Variants in IRX5 observed in about 807,000 individuals in gnomAD.
IRX5 encodes iroquois homeobox 5.
A neutral mutation model predicts 37.6 loss-of-function variants in IRX5; 8 were observed. The ratio of observed to expected loss-of-function variants is 0.21; its 90% confidence interval spans 0.12 to 0.38. IRX5 has a LOEUF of 0.38. IRX5 is among the 10% of genes least tolerant of loss of function. The pLI, the probability that IRX5 is intolerant of heterozygous loss-of-function variation, is 1.00. For missense variants in IRX5, 635 were observed against 695.2 expected (o/e 0.91, Z 0.97); for synonymous variants, 359 against 328.6 (o/e 1.09, Z -1.00).
rs745416388 is a variant in IRX5 at position 54,931,297 on chromosome 16, G to A, written c.99G>A (p.Thr33=). Residue 33 remains threonine, a synonymous_variant, in exon 1 of 3, where the codon ACG becomes ACA. Transcript: ENST00000394636. ...CCAGCGTCATTTCGGGGCCCCGCAC[G>A]GATGAGCTCGGCCGCTCTTCTTCGG... ...YSTSVISGPR[T]DELGRSSSGS... is the part of the protein sequence containing the mutation. 3.1e-6 allele frequency: 5 copies of A among 1,612,452 alleles called. No individual in the cohort carries two copies. The South Asian group carries it at 3.3e-5, about 11-fold the overall frequency.
Position 54,932,604 on chromosome 16 carries a change from A to T in IRX5, c.356A>T (p.Asn119Ile). 1 of 1,614,054 alleles carries T rather than the reference A, an allele frequency of 6.2e-7. No individual in the cohort carries two copies. Among genetic ancestry groups the T allele is most frequent in the South Asian group, 1.1e-5 (1 of 91,070 alleles). Residue 119 changes from asparagine (N) to isoleucine (I), a missense_variant, in exon 2 of 3, where the codon AAC becomes ATC. Asn to Ile is a moderately radical substitution (Grantham distance 149). Coordinates refer to ENST00000394636, the MANE Select transcript of IRX5 (RefSeq NM_005853.6). This position sits in a 1 kb window ranked among gnomAD's most constrained non-coding sequence, Gnocchi z 6.7. ...TACGGGGACCCAGCGTACCGGAAGA[A>T]CGCCACAAGGGACGCCACGGCTACC... Reference protein sequence around the residue: ...YPYGDPAYRKNATRDATATLK... With the variant: ...YPYGDPAYRKIATRDATATLK...
In IRX5 at chr16:54,934,068, C is replaced by A; in HGVS notation, c.*195C>A. 1 of 449,542 alleles carries A rather than the reference C, an allele frequency of 2.2e-6. No individual in the cohort carries two copies. The highest frequency in any genetic ancestry group is 3.7e-6 in the Non-Finnish European group (1 of 267,996). The allele number at this position is 449,542 out of a possible 1,614,324, so 27.8% of individuals were successfully genotyped here. On this transcript the variant is annotated 3_prime_UTR_variant, in exon 3 of 3. Transcript: ENST00000394636. ...CAAAAAAAAAAATGTCTTAACCAAC[C>A]GAAAAGAAAAATTAAAAAAGGATTT...
In IRX5 at chr16:54,932,139, G is replaced by C. The variant is rs574643932; in HGVS notation, c.250-359G>C. Reference sequence around the variant, plus strand: ...TGCGTCCGCTCCCCCGCCGAGCGCGGAGTCGCCTCAGTTGCCCAGGCCTCT... The same window carrying C: ...TGCGTCCGCTCCCCCGCCGAGCGCGCAGTCGCCTCAGTTGCCCAGGCCTCT... On this transcript the variant is annotated intron_variant, in intron 1 of 2. Transcript: ENST00000394636. The surrounding 1 kb of genome is among the most constrained non-coding windows in gnomAD (Gnocchi z 6.7). The C allele has an allele frequency of 1.4e-6, 1 of 702,820 alleles. No homozygotes were observed. The highest frequency in any genetic ancestry group is 2.6e-6 in the Non-Finnish European group (1 of 384,984). 43.5% of individuals were successfully genotyped at this position (702,820 alleles called of 1,614,324 possible). A position where few individuals can be genotyped will look rare whatever the true frequency, so the allele number is the denominator to read the frequency against.
Position 54,932,619 on chromosome 16 carries a change from C to A in IRX5, c.371C>A (p.Ala124Asp). The A allele has an allele frequency of 6.2e-7, 1 of 1,614,092 alleles. No homozygotes were observed. Among genetic ancestry groups the A allele is most frequent in the Non-Finnish European group, 8.5e-7 (1 of 1,180,008 alleles). The change falls in exon 2 of 3, where the codon GCC becomes GAC. Residue 124 changes from alanine to aspartate, a missense_variant. Ala to Asp is a moderately radical substitution (Grantham distance 126). Transcript: ENST00000394636. This position sits in a 1 kb window ranked among gnomAD's most constrained non-coding sequence, Gnocchi z 6.7. ...TACCGGAAGAACGCCACAAGGGACG[C>A]CACGGCTACCCTCAAGGCCTGGCTC... ...PAYRKNATRD[A>D]TATLKAWLNE...
chr16:54,932,993 G>T lies in IRX5; in HGVS notation c.656-84G>T. On this transcript the variant is annotated intron_variant, in intron 2 of 2. Transcript: ENST00000394636. This position sits in a 1 kb window ranked among gnomAD's most constrained non-coding sequence, Gnocchi z 6.7. ...GCGCGCACGGGGCCTGGAGGTTGGG[G>T]GCAGGGGTCCCTGCCTTTGCGGGCG... 1 of 1,598,256 alleles carries T rather than the reference G, an allele frequency of 6.3e-7. No individual in the cohort carries two copies. The highest frequency in any genetic ancestry group is 1.1e-5 in the South Asian group (1 of 89,242).
Position 54,933,638 on chromosome 16 carries a change from C to A in IRX5, c.1217C>A (p.Ala406Glu). ...CTGTCCCGGCCTCTCTACTACACCG[C>A]GCCCTTCTATCCCGGCTACACGAAC... ...TVLSRPLYYT[A>E]PFYPGYTNYG... Residue 406 changes from alanine (A) to glutamate (E), a missense_variant, in exon 3 of 3, where the codon GCG (alanine) becomes GAG (glutamate). This residue lies in a region of IRX5 where 188 missense variants were observed against 200.8 expected (regional missense o/e 0.94). Transcript: ENST00000394636. The A allele has an allele frequency of 6.2e-7, 1 of 1,610,018 alleles. No individual in the cohort carries two copies. The highest frequency in any genetic ancestry group is 8.5e-7 in the Non-Finnish European group (1 of 1,177,024).
rs1191441588 is a variant in IRX5 at position 54,933,360 on chromosome 16, G to T, written c.939G>T (p.Gly313=). Reference sequence around the variant, plus strand: ...GCGAGGTGCCTCCGGGTCCCGGCGGGCCCTCGGTTATCCATTCGCCGCCTC... The same window carrying T: ...GCGAGGTGCCTCCGGGTCCCGGCGGTCCCTCGGTTATCCATTCGCCGCCTC... ...AAGEVPPGPG[G]PSVIHSPPPP... is the part of the protein sequence containing the mutation. Residue 313 remains glycine, a synonymous_variant, in exon 3 of 3, where the codon GGG becomes GGT. Coordinates refer to ENST00000394636, the MANE Select transcript of IRX5 (RefSeq NM_005853.6). 6.6e-7 allele frequency: 1 copy of T among 1,511,964 alleles called. No individual in the cohort carries two copies. The highest frequency in any genetic ancestry group is 1.4e-5 in the African/African-American group (1 of 70,322). 93.7% of individuals were successfully genotyped at this position (1,511,964 alleles called of 1,614,324 possible).
In IRX5 at chr16:54,933,757, G is replaced by C. The variant is rs749272761; in HGVS notation, c.1336G>C (p.Val446Leu). The C allele has an allele frequency of 6.2e-7, 1 of 1,614,144 alleles. No individual in the cohort carries two copies. Among genetic ancestry groups the C allele is most frequent in the South Asian group, 1.1e-5 (1 of 91,078 alleles). ...TCATTTCAATGGATTAAACCAGACC[G>C]TGTTGAACCGAGCGGACGCTTTGGC... is the stretch of plus-strand genomic sequence containing the variant. The part of the protein sequence containing the change: ...GSHFNGLNQT[V>L]LNRADALAKD... The change falls in exon 3 of 3, where the codon GTG becomes CTG. Residue 446 changes from valine (V) to leucine (L), a missense_variant. Physicochemically the swap from Val to Leu is conservative, Grantham distance 32. Around this residue, in one of 5 missense-constraint regions of IRX5, gnomAD observed 188 missense variants for 200.8 expected, o/e 0.94. Coordinates refer to ENST00000394636, the MANE Select transcript of IRX5 (RefSeq NM_005853.6).
chr16:54,932,367 C>A lies in IRX5; in HGVS notation c.250-131C>A. On this transcript the variant is annotated intron_variant, in intron 1 of 2. Transcript: ENST00000394636. The surrounding 1 kb of genome is among the most constrained non-coding windows in gnomAD (Gnocchi z 6.7). The stretch of plus-strand genomic sequence containing the variant: ...TAGGTCTGAACCCCGCCAGCCTTGC[C>A]CCGTAGGAAGCTGGAGTGCGGGCCT... The A allele has an allele frequency of 9.4e-7, 1 of 1,062,366 alleles. No homozygotes were observed. The highest frequency in any genetic ancestry group is 1.3e-6 in the Non-Finnish European group (1 of 750,974). The allele number at this position is 1,062,366 out of a possible 1,614,324, so 65.8% of individuals were successfully genotyped here. A position where few individuals can be genotyped will look rare whatever the true frequency, so the allele number is the denominator to read the frequency against.
chr16:54,932,026 G>A lies in IRX5; in HGVS notation c.250-472G>A. 1 of 700,696 alleles carries A rather than the reference G, an allele frequency of 1.4e-6. No homozygotes were observed. Among genetic ancestry groups the A allele is most frequent in the Admixed American group, 2.0e-5 (1 of 49,804 alleles). 43.4% of individuals were successfully genotyped at this position (700,696 alleles called of 1,614,324 possible). On this transcript the variant is annotated intron_variant, in intron 1 of 2. Transcript: ENST00000394636. The surrounding 1 kb of genome is among the most constrained non-coding windows in gnomAD (Gnocchi z 6.7). ...TTGGAGGGTGGGAGTGCGTGGGCAT[G>A]GCTCAGCTTTTTGTTTGCATTTCTT...
In IRX5 at chr16:54,932,792, C is replaced by T; in HGVS notation, c.544C>T (p.Arg182Trp). The change falls in exon 2 of 3, where the codon CGG (arginine) becomes TGG (tryptophan). Residue 182 changes from arginine (R) to tryptophan (W), a missense_variant. Physicochemically the swap from Arg to Trp is moderately radical, Grantham distance 101. This residue lies in a region of IRX5 where 55 missense variants were observed against 120.5 expected (regional missense o/e 0.46). Coordinates refer to ENST00000394636, the MANE Select transcript of IRX5 (RefSeq NM_005853.6). This position sits in a 1 kb window ranked among gnomAD's most constrained non-coding sequence, Gnocchi z 6.7. ...AGAGAATAAAATGACGTGGACGCCG[C>T]GGAACCGCAGCGAGGACGAGGAAGA... is the stretch of plus-strand genomic sequence containing the variant. ...KKENKMTWTP[R>W]NRSEDEEEEE... is the part of the protein sequence containing the mutation. The T allele has an allele frequency of 6.2e-7, 1 of 1,614,124 alleles. No homozygotes were observed. The highest frequency in any genetic ancestry group is 8.5e-7 in the Non-Finnish European group (1 of 1,180,036).
At position 54,932,341 on chromosome 16, in the gene IRX5, C is replaced by T; in HGVS notation, c.250-157C>T. 1.2e-6 allele frequency: 1 copy of T among 832,054 alleles called. No homozygotes were observed. The highest frequency in any genetic ancestry group is 1.8e-6 in the Non-Finnish European group (1 of 544,598). 51.5% of individuals were successfully genotyped at this position (832,054 alleles called of 1,614,324 possible). ...TTCTGAGGAGGGGGAGGAGTTGCTC[C>T]TAGGTCTGAACCCCGCCAGCCTTGC... On this transcript the variant is annotated intron_variant, in intron 1 of 2. Coordinates refer to ENST00000394636, the MANE Select transcript of IRX5 (RefSeq NM_005853.6). The surrounding 1 kb of genome is among the most constrained non-coding windows in gnomAD (Gnocchi z 6.7).
Position 54,933,558 on chromosome 16 carries a change from C to G in IRX5, c.1137C>G (p.Ala379=). The part of the protein sequence containing the change: ...QALGGSRASP[A]PAPSRSPSAQ... ...TAGGAGGCAGCCGGGCGTCGCCGGCCCCGGCGCCGTCACGCTCGCCCTCGG... is the reference window on the plus strand; with the variant it reads ...TAGGAGGCAGCCGGGCGTCGCCGGCGCCGGCGCCGTCACGCTCGCCCTCGG... Residue 379 remains alanine, a synonymous_variant, in exon 3 of 3, where the codon GCC becomes GCG. Coordinates refer to ENST00000394636, the MANE Select transcript of IRX5 (RefSeq NM_005853.6). The G allele has an allele frequency of 6.2e-7, 1 of 1,608,098 alleles. No homozygotes were observed. The highest frequency in any genetic ancestry group is 1.1e-5 in the South Asian group (1 of 90,510).
chr16:54,933,741 T>C lies in IRX5; in HGVS notation c.1320T>C (p.Asn440=), dbSNP rs745777372. The C allele has an allele frequency of 6.2e-7, 1 of 1,614,034 alleles. No homozygotes were observed. The highest frequency in any genetic ancestry group is 2.2e-5 in the East Asian group (1 of 44,846). Residue 440 remains asparagine (N), a synonymous_variant, in exon 3 of 3, where the codon AAT becomes AAC. Transcript: ENST00000394636. The stretch of plus-strand genomic sequence containing the variant: ...CAACCGGTCCGGGGTCTCATTTCAA[T>C]GGATTAAACCAGACCGTGTTGAACC... ...GPTTGPGSHF[N]GLNQTVLNRA...
rs1461891472 is a variant in IRX5, at chr16:54,931,551, C to T, written c.249+104C>T. The T allele has an allele frequency of 5.8e-6, 8 of 1,380,828 alleles. No homozygotes were observed. The African/African-American group carries it at 1.2e-4, about 21-fold the overall frequency. The allele number at this position is 1,380,828 out of a possible 1,614,324, so 85.5% of individuals were successfully genotyped here. On this transcript the variant is annotated intron_variant, in intron 1 of 2. Coordinates refer to ENST00000394636, the MANE Select transcript of IRX5 (RefSeq NM_005853.6). ...TAGGCGCCAACACCGACCTCCCCCG[C>T]CAAGCTTCGCGGCCCCTTCAAACTT... is the stretch of plus-strand genomic sequence containing the variant.
rs762816509 is a variant in IRX5 at position 54,931,185 on chromosome 16, G to A, written c.-14G>A. On this transcript the variant is annotated 5_prime_UTR_variant, in exon 1 of 3. It removes an upstream start codon present in the reference 5' UTR. Coordinates refer to ENST00000394636, the MANE Select transcript of IRX5 (RefSeq NM_005853.6). Reference sequence around the variant, plus strand: ...GCGGCCGCGGCGCGGCGCGCCCCATGCCCGTGTGTGGCCATGTCCTATCCG... The same window carrying A: ...GCGGCCGCGGCGCGGCGCGCCCCATACCCGTGTGTGGCCATGTCCTATCCG... 1 of 1,563,534 alleles carries A rather than the reference G, an allele frequency of 6.4e-7. No homozygotes were observed. Among genetic ancestry groups the A allele is most frequent in the Non-Finnish European group, 8.6e-7 (1 of 1,157,388 alleles).
Position 54,931,091 on chromosome 16 carries a change from G to A in IRX5, c.-108G>A. The A allele has an allele frequency of 1.2e-6, 1 of 836,732 alleles. No individual in the cohort carries two copies. The highest frequency in any genetic ancestry group is 1.5e-6 in the Non-Finnish European group (1 of 669,514). The allele number at this position is 836,732 out of a possible 1,614,324, so 51.8% of individuals were successfully genotyped here. A position where few individuals can be genotyped will look rare whatever the true frequency, so the allele number is the denominator to read the frequency against. On this transcript the variant is annotated 5_prime_UTR_variant, in exon 1 of 3. Coordinates refer to ENST00000394636, the MANE Select transcript of IRX5 (RefSeq NM_005853.6). The stretch of plus-strand genomic sequence containing the variant: ...GCCCCGGAGCCGGGGCCAGAGGAGC[G>A]GCGGCCCAGGGCAGCCAGAGGCCAG...
intron 1 of IRX5, among the ~76,000 whole-genome samples, chr16:54,931,740 G>GTTT (rs1963900001): frequency 6.6e-6 from 1 of 152,250 alleles, no homozygotes; most frequent in African/African-American, 2.4e-5. Flanking sequence ...GCTCCGGGCT[G>GTTT]CCCTGCAAAT....
rs768174419 is a variant in IRX5 at position 54,932,052 on chromosome 16, A to G, written c.250-446A>G. 1.4e-6 allele frequency: 1 copy of G among 702,074 alleles called. No individual in the cohort carries two copies. The highest frequency in any genetic ancestry group is 1.5e-5 in the South Asian group (1 of 67,580). 43.5% of individuals were successfully genotyped at this position (702,074 alleles called of 1,614,324 possible). ...GCTCAGCTTTTTGTTTGCATTTCTT[A>G]GCTGTTGAAAAAAGAAAAAAAGAGC... On this transcript the variant is annotated intron_variant, in intron 1 of 2. Transcript: ENST00000394636. The surrounding 1 kb of genome is among the most constrained non-coding windows in gnomAD (Gnocchi z 6.7).
Sources: gnomAD v4.1 joint callset for allele counts (sites outside exome capture counted in the v4.1 genomes callset) on GRCh38, gnomAD v4.1.1 for gene constraint, gnomAD v4.1.1 regional missense constraint, Gnocchi (gnomAD v3.1) non-coding constraint, MANE v1.5 for transcripts, NCBI Gene and HGNC (gene_info 2026-07-23, HGNC 2026-07-21) for gene names.